SHANK2: variants seen among roughly 807,000 people sequenced by gnomAD.
SHANK2 encodes SH3 and multiple ankyrin repeat domains 2.
A neutral mutation model predicts 133.7 loss-of-function variants in SHANK2; 43 were observed. That is an observed-to-expected ratio of 0.32 (90% CI 0.25 to 0.41). The LOEUF is 0.41. SHANK2 is among the 10% of genes least tolerant of loss of function. The pLI, the probability that SHANK2 is intolerant of heterozygous loss-of-function variation, is 1.00. For missense variants in SHANK2, 1,994 were observed against 2,235.8 expected (o/e 0.89, Z 2.18); for synonymous variants, 1,017 against 952.8 (o/e 1.07, Z -1.24).
At chr11:70,588,697 G>A (rs782091551) in intron 17 of SHANK2, among the ~76,000 whole-genome samples, 17 of 152,214 alleles carry the variant, frequency 1.1e-4, no homozygotes, top group Non-Finnish European at 2.2e-4. Flanking sequence ...GTTCTGTAAC[G>A]TAAACACGCA....
chr11:70,652,230 T>C (rs376050400), intron 17 of SHANK2, among the ~76,000 whole-genome samples: 21 of 152,292 alleles, frequency 1.4e-4, no homozygotes, highest in East Asian at 1.4e-3. Context: ...CCAGGGACTT[T>C]GGAGGCTGGC....
At position 70,678,532 on chromosome 11, in the gene SHANK2, C is replaced by CTTTTTTTT. The variant is rs34446408; in HGVS notation, c.1854-16862_1854-16855dup. Among the ~76,000 whole-genome samples the CTTTTTTTT allele has an allele frequency of 6.0e-4, 46 of 77,072 alleles. 1 individual carries two copies. The highest frequency in any genetic ancestry group is 2.0e-3 in the African/African-American group (41 of 20,344). The allele number at this position is 77,072 out of a possible 152,430, so 50.6% of individuals were successfully genotyped here. A position where few individuals can be genotyped will look rare whatever the true frequency, so the allele number is the denominator to read the frequency against. Reference sequence around the variant, plus strand: ...TCATTTCCAGTCTGCTAAGAACAGGCTTTTTTTTTTTTTTTTTTTTTTTGA... The same window carrying CTTTTTTTT: ...TCATTTCCAGTCTGCTAAGAACAGGCTTTTTTTTTTTTTTTTTTTTTTTTTTTTTTTGA... On this transcript the variant is annotated intron_variant, in intron 15 of 25. Coordinates refer to ENST00000601538, the MANE Select transcript of SHANK2 (RefSeq NM_012309.5).
In SHANK2 at chr11:70,807,186, A is replaced by G; in HGVS notation, c.1494-15T>C. ...CAAAAGGCGACCTGGACCAGGTGAG[A>G]GGGGCAGAGAGAGAGAGAGCAGAGT... On this transcript the variant is annotated splice_polypyrimidine_tract_variant and intron_variant, in intron 12 of 25. Coordinates refer to ENST00000601538, the MANE Select transcript of SHANK2 (RefSeq NM_012309.5). This position sits in a 1 kb window ranked among gnomAD's most constrained non-coding sequence, Gnocchi z 4.8. 1.4e-6 allele frequency: 1 copy of G among 714,668 alleles called. No individual in the cohort carries two copies. Among genetic ancestry groups the G allele is most frequent in the South Asian group, 1.5e-5 (1 of 67,244 alleles). 44.3% of individuals were successfully genotyped at this position (714,668 alleles called of 1,614,324 possible). A position where few individuals can be genotyped will look rare whatever the true frequency, so the allele number is the denominator to read the frequency against.
chr11:70,636,324 TG>T (rs1309946028), intron 17 of SHANK2, among the ~76,000 whole-genome samples: 1 of 152,080 alleles, frequency 6.6e-6, no homozygotes, highest in African/African-American at 2.4e-5. Context: ...AGCGTGTGAA[TG>T]TTAGCATGTG....
At chr11:70,825,014 C>A (rs1948616693) in intron 11 of SHANK2, among the ~76,000 whole-genome samples, 1 of 152,132 alleles carries the variant, frequency 6.6e-6, no homozygotes, top group African/African-American at 2.4e-5. Flanking sequence ...CTCTCCCTAC[C>A]CATGTGGAGG....
At chr11:70,587,513 C>T (rs1467279020) in intron 17 of SHANK2, among the ~76,000 whole-genome samples, 1 of 152,002 alleles carries the variant, frequency 6.6e-6, no homozygotes, top group Admixed American at 6.5e-5. Context: ...ATATTCCCCA[C>T]ATGTTCAGAA....
rs2135843598 is a variant in SHANK2 at position 70,504,865 on chromosome 11, C to T, written c.2062-1934G>A. On this transcript the variant is annotated intron_variant, in intron 17 of 25. Transcript: ENST00000601538. ...GTACAGACAGGCAACCGAACACCAGCCACGCGTTATCGGGTTCTCTCCCCT... is the reference window on the plus strand; with the variant it reads ...GTACAGACAGGCAACCGAACACCAGTCACGCGTTATCGGGTTCTCTCCCCT... 3.3e-5 allele frequency among the ~76,000 whole-genome samples: 5 copies of T among 152,242 alleles called. 1 individual carries two copies. In the Middle Eastern group the frequency reaches 0.01, roughly 311 times the overall value.
intron 8 of SHANK2, among the ~76,000 whole-genome samples, chr11:71,084,294 T>C (rs1346500592): frequency 6.6e-6 from 1 of 152,156 alleles, no homozygotes; most frequent in African/African-American, 2.4e-5. Flanking sequence ...TTAAGATAAT[T>C]TGCAGACAGC....
At position 71,188,439 on chromosome 11, in the gene SHANK2, G is replaced by A. The variant is rs1555114822; in HGVS notation, c.-13+36258C>T. Among the ~76,000 whole-genome samples the A allele has an allele frequency of 6.6e-6, 1 of 152,140 alleles. No individual in the cohort carries two copies. The highest frequency in any genetic ancestry group is 2.4e-5 in the African/African-American group (1 of 41,430). ...ACCTGCTGAGGTCTCTCCAGAAACA[G>A]AATCCCCTCCCTCTGGGGAGAAGGA... is the stretch of plus-strand genomic sequence containing the variant. On this transcript the variant is annotated intron_variant, in intron 2 of 25. Coordinates refer to ENST00000601538, the MANE Select transcript of SHANK2 (RefSeq NM_012309.5). This position sits in a 1 kb window ranked among gnomAD's most constrained non-coding sequence, Gnocchi z 4.6.
At chr11:70,642,467 T>C (rs2134163077) in intron 17 of SHANK2, among the ~76,000 whole-genome samples, 1 of 152,360 alleles carries the variant, frequency 6.6e-6, no homozygotes, top group South Asian at 2.1e-4. Flanking sequence ...TCACCCCATG[T>C]GAACTGCTTT....
chr11:71,199,995 A>G (rs1466094706), intron 2 of SHANK2, among the ~76,000 whole-genome samples: 1 of 152,226 alleles, frequency 6.6e-6, no homozygotes, highest in African/African-American at 2.4e-5. Flanking sequence ...TTAGACAGAT[A>G]AAATTCACAT....
At chr11:70,688,627 A>G (rs577756190) in intron 15 of SHANK2, among the ~76,000 whole-genome samples, 2 of 152,348 alleles carry the variant, frequency 1.3e-5, no homozygotes, top group South Asian at 4.1e-4. Context: ...ACAGAGGCAG[A>G]ATCACAAATG....
chr11:70,820,147 G>A (rs1306753205), intron 12 of SHANK2, among the ~76,000 whole-genome samples: 2 of 152,188 alleles, frequency 1.3e-5, no homozygotes, highest in Non-Finnish European at 2.9e-5. Context: ...AGCTTTCATC[G>A]TGTGCCTCCA....
chr11:70,709,253 C>T (rs550717346), intron 14 of SHANK2, among the ~76,000 whole-genome samples: 24 of 152,186 alleles, frequency 1.6e-4, no homozygotes, highest in Admixed American at 1.2e-3. Context: ...CCGATGTAGG[C>T]GAATTCTGAA....
intron 17 of SHANK2, among the ~76,000 whole-genome samples, chr11:70,517,178 C>T (rs2059276371): frequency 6.6e-6 from 1 of 152,260 alleles, no homozygotes; most frequent in Admixed American, 6.5e-5. Flanking sequence ...CACCACTACA[C>T]ACCTATGGAA....
chr11:70,711,174 C>T (rs1202356535), intron 14 of SHANK2, among the ~76,000 whole-genome samples: 1 of 152,192 alleles, frequency 6.6e-6, no homozygotes, highest in Non-Finnish European at 1.5e-5. Flanking sequence ...CCAGGACTTC[C>T]GTGTCATCCT....
At chr11:70,867,439 C>G (rs527883965) in intron 11 of SHANK2, among the ~76,000 whole-genome samples, 13 of 152,198 alleles carry the variant, frequency 8.5e-5, no homozygotes, top group Non-Finnish European at 1.5e-4. Flanking sequence ...CTGTTAACAG[C>G]AAACAGCTAT....
At chr11:70,692,051 G>A (rs1945300946) in intron 15 of SHANK2, among the ~76,000 whole-genome samples, 1 of 152,168 alleles carries the variant, frequency 6.6e-6, no homozygotes, top group Admixed American at 6.5e-5. Context: ...TGAGAGTAAG[G>A]AACAAATGGG....
intron 17 of SHANK2, among the ~76,000 whole-genome samples, chr11:70,628,117 G>C (rs1405687069): frequency 1.3e-5 from 2 of 152,150 alleles, no homozygotes; most frequent in Non-Finnish European, 2.9e-5. Context: ...ATGCCACCAT[G>C]CCCAGCTAAT....
Sources: gnomAD v4.1 joint callset for allele counts (sites outside exome capture counted in the v4.1 genomes callset) on GRCh38, gnomAD v4.1.1 for gene constraint, Gnocchi (gnomAD v3.1) non-coding constraint, MANE v1.5 for transcripts, NCBI Gene and HGNC (gene_info 2026-07-23, HGNC 2026-07-21) for gene names.